The following CPNE4 variants were observed in gnomAD, a reference collection of about 807,000 sequenced individuals.
CPNE4 encodes the protein copine 4, also known as copine-4.
In CPNE4, 25 loss-of-function variants were observed where a neutral mutation model predicts 67.9. That is an observed-to-expected ratio of 0.37 (90% confidence interval 0.27 to 0.51). The LOEUF is 0.51. CPNE4 is among the 20% of genes least tolerant of loss of function. The pLI is 0.93. For synonymous variants in CPNE4, 242 were observed against 244.9 expected, an observed-to-expected ratio of 0.99 and a Z score of 0.11; for missense variants, 464 against 690.8, an observed-to-expected ratio of 0.67 and a Z score of 3.68.
At chr3:131,909,374 AC>A (rs2088892501) in intron 1 of CPNE4, among the ~76,000 whole-genome samples, 2 of 152,164 alleles carry the variant, frequency 1.3e-5, no homozygotes, top group African/African-American at 2.4e-5. Flanking sequence ...AAAGATAGTC[AC>A]ATGTTATGTG....
At chr3:131,751,994 T>C (rs1245621574) in intron 2 of CPNE4, among the ~76,000 whole-genome samples, 1 of 152,022 alleles carries the variant, frequency 6.6e-6, no homozygotes, top group Non-Finnish European at 1.5e-5. Flanking sequence ...TCATTACTAC[T>C]GGGCAATGGT....
intron 1 of CPNE4, among the ~76,000 whole-genome samples, chr3:131,938,059 T>C (rs2071275554): frequency 6.6e-6 from 1 of 152,018 alleles, no homozygotes; most frequent in Admixed American, 6.6e-5. Context: ...TAAAAGTGTT[T>C]TTAGAACTTG....
chr3:131,974,399 C>T (rs566726290), intron 1 of CPNE4, among the ~76,000 whole-genome samples: 1 of 152,278 alleles, frequency 6.6e-6, no homozygotes, highest in South Asian at 2.1e-4. Flanking sequence ...TGCACATACA[C>T]ACACCTAATA....
intron 3 of CPNE4, among the ~76,000 whole-genome samples, chr3:131,703,482 G>A (rs1023370397): frequency 2.0e-5 from 3 of 152,174 alleles, no homozygotes; most frequent in African/African-American, 4.8e-5. Flanking sequence ...ATCCACCCAC[G>A]GATCTGGGGA....
intron 5 of CPNE4, among the ~76,000 whole-genome samples, chr3:131,689,732 A>G (rs942074568): frequency 5.9e-5 from 9 of 152,206 alleles, no homozygotes; most frequent in African/African-American, 1.9e-4. Context: ...CAAGCAAGAG[A>G]AAGAAATAAA....
intron 4 of CPNE4, among the ~76,000 whole-genome samples, chr3:131,698,919 A>C (rs1056481317): frequency 6.6e-6 from 1 of 151,664 alleles, no homozygotes; most frequent in African/African-American, 2.4e-5. Context: ...CAAAAAAAAA[A>C]AAAAAAAAAA....
At position 131,804,873 on chromosome 3, in the gene CPNE4, A is replaced by G. The variant is rs548784472; in HGVS notation, c.181-81248T>C. On this transcript the variant is annotated intron_variant, in intron 2 of 15. Coordinates refer to ENST00000429747, the MANE Select transcript of CPNE4 (RefSeq NM_130808.3). ...GCCTTATCTGCAGTTGGGCACAGACACATGAGAAAGTCCATCTGAGACCAG... is the reference window on the plus strand; with the variant it reads ...GCCTTATCTGCAGTTGGGCACAGACGCATGAGAAAGTCCATCTGAGACCAG... Among the ~76,000 whole-genome samples, 3 of 152,374 alleles carry G rather than the reference A, an allele frequency of 2.0e-5. No homozygotes were observed. The South Asian group carries it at 6.2e-4, about 32-fold the overall frequency.
At chr3:131,735,269 C>T (rs1332124032) in intron 2 of CPNE4, among the ~76,000 whole-genome samples, 2 of 152,204 alleles carry the variant, frequency 1.3e-5, no homozygotes, top group Non-Finnish European at 2.9e-5. Context: ...CAGAGAGGAC[C>T]TCACACCTCT....
At chr3:131,871,894 A>G (rs951152514) in intron 2 of CPNE4, among the ~76,000 whole-genome samples, 2 of 152,158 alleles carry the variant, frequency 1.3e-5, no homozygotes, top group Non-Finnish European at 2.9e-5. Flanking sequence ...TATCGCCTCT[A>G]TGAACCCCAT....
chr3:131,800,490 A>G (rs1219927513), intron 2 of CPNE4, among the ~76,000 whole-genome samples: 1 of 152,178 alleles, frequency 6.6e-6, no homozygotes, highest in African/African-American at 2.4e-5. Context: ...CATCTGAGCC[A>G]TTGGATCTGA....
chr3:131,808,594 A>G (rs1179921184), intron 2 of CPNE4, among the ~76,000 whole-genome samples: 6 of 152,154 alleles, frequency 3.9e-5, no homozygotes, highest in Non-Finnish European at 8.8e-5. Flanking sequence ...GCCTTATCCT[A>G]TATCATTTGA....
chr3:131,868,622 TTTTA>T (rs1483586650), intron 2 of CPNE4, among the ~76,000 whole-genome samples: 1 of 152,224 alleles, frequency 6.6e-6, no homozygotes, highest in Non-Finnish European at 1.5e-5. Context: ...AAATTATTAC[TTTTA>T]TTTTACAGAT....
At chr3:131,749,708 CTCT>C (rs1244071705) in intron 2 of CPNE4, among the ~76,000 whole-genome samples, 1 of 152,050 alleles carries the variant, frequency 6.6e-6, no homozygotes, top group Non-Finnish European at 1.5e-5. Context: ...TAAGATTTCT[CTCT>C]TTTTTGGCAA....
intron 1 of CPNE4, among the ~76,000 whole-genome samples, chr3:131,973,139 T>A (rs2072548321): frequency 6.6e-6 from 1 of 152,152 alleles, no homozygotes; most frequent in African/African-American, 2.4e-5. Context: ...TGGAAAAAAG[T>A]CATTTTGTAC....
At chr3:131,669,889 G>T in intron 6 of CPNE4, 125 bp from the exon 7 acceptor site, 1 of 748,386 alleles carries the variant, frequency 1.3e-6, no homozygotes, top group Non-Finnish European at 2.2e-6. Context: ...TGGAAGAGGT[G>T]CCTTAATAAA....
intron 2 of CPNE4, among the ~76,000 whole-genome samples, chr3:131,828,100 T>C (rs1228616688): frequency 1.3e-5 from 2 of 150,916 alleles, no homozygotes; most frequent in Non-Finnish European, 2.9e-5. Context: ...CACTATAACA[T>C]TGTATTGCTT....
chr3:131,657,816 A>G (rs7636628), intron 7 of CPNE4, among the ~76,000 whole-genome samples: 136,197 of 151,796 alleles, frequency 0.9, 61,244 homozygotes, highest in East Asian at 0.97. Flanking sequence ...TGCCCGCCTC[A>G]GCCTTCCAAA....
chr3:131,739,610 A>G (rs974271231), intron 2 of CPNE4, among the ~76,000 whole-genome samples: 3 of 152,252 alleles, frequency 2.0e-5, no homozygotes, highest in Admixed American at 2.0e-4. Flanking sequence ...AACAACTAAC[A>G]TGGAAATTTA....
At chr3:131,968,495 C>T (rs2072416399) in intron 1 of CPNE4, among the ~76,000 whole-genome samples, 1 of 152,186 alleles carries the variant, frequency 6.6e-6, no homozygotes, top group African/African-American at 2.4e-5. Flanking sequence ...CTATGAGGAA[C>T]TTAAACAAAT....
Sources: gnomAD v4.1 joint callset for allele counts (sites outside exome capture counted in the v4.1 genomes callset) on GRCh38, gnomAD v4.1.1 for gene constraint, MANE v1.5 for transcripts, NCBI Gene and HGNC (gene_info 2026-07-23, HGNC 2026-07-21) for gene names.